The following VCL variants were observed in gnomAD, a reference collection of about 807,000 sequenced individuals.
The protein encoded by VCL is epididymis luminal protein 114.
In VCL, 47 loss-of-function variants were observed where a neutral mutation model predicts 125.7. The ratio of observed to expected loss-of-function variants is 0.37; its 90% CI spans 0.30 to 0.48. The LOEUF is 0.48. VCL is among the 20% of genes least tolerant of loss of function. VCL has a pLI of 0.99. For synonymous variants in VCL, 458 were observed against 514.6 expected (o/e 0.89, Z 1.49); for missense variants, 1,069 against 1,455.5 (o/e 0.73, Z 4.32).
intron 1 of VCL, among the ~76,000 whole-genome samples, chr10:74,013,513 A>G (rs1840475357): frequency 6.6e-6 from 1 of 152,088 alleles, no homozygotes; most frequent in Admixed American, 6.6e-5. Context: ...AGCAAATACC[A>G]AAGTCACACT....
intron 2 of VCL, among the ~76,000 whole-genome samples, chr10:74,063,035 AC>A (rs1841504635): frequency 6.6e-6 from 1 of 152,026 alleles, no homozygotes; most frequent in African/African-American, 2.4e-5. Flanking sequence ...GCACCACTGC[AC>A]TCCAGCCTGG....
chr10:74,052,500 G>A (rs932306935), intron 2 of VCL, among the ~76,000 whole-genome samples: 1 of 147,480 alleles, frequency 6.8e-6, no homozygotes, highest in Non-Finnish European at 1.5e-5. Flanking sequence ...CCTCAGCCCC[G>A]CAAGTAGCTG....
In VCL at chr10:74,006,441, C is replaced by G. The variant is rs116033445; in HGVS notation, c.168+8066C>G. On this transcript the variant is annotated intron_variant, in intron 1 of 21. Transcript: ENST00000211998. ...GCAACAGTAGCTTAGATTGGGTCCTCCTGTTACAGTCCTGGAGTAAGGACA... is the reference window on the plus strand; with the variant it reads ...GCAACAGTAGCTTAGATTGGGTCCTGCTGTTACAGTCCTGGAGTAAGGACA... Among the ~76,000 whole-genome samples the G allele has an allele frequency of 3.3e-3, 496 of 152,292 alleles. 2 individuals carry two copies. The highest frequency in any genetic ancestry group is 0.011 in the African/African-American group (471 of 41,564).
rs1163875423 is a variant in VCL, at chr10:74,074,916, A to G, written c.783+13A>G. The G allele has an allele frequency of 6.2e-6, 10 of 1,614,144 alleles. No individual in the cohort carries two copies. The highest frequency in any genetic ancestry group is 1.7e-5 in the Admixed American group (1 of 60,020). On this transcript the variant is annotated intron_variant, in intron 6 of 21. Coordinates refer to ENST00000211998, the MANE Select transcript of VCL (RefSeq NM_014000.3). ...CTGGGCCAGCAAGGTACGTGTTCTTAGTGGAGAAATAAGCAAAATCCCCAA... is the reference window on the plus strand; with the variant it reads ...CTGGGCCAGCAAGGTACGTGTTCTTGGTGGAGAAATAAGCAAAATCCCCAA...
In VCL at chr10:74,118,747, A is replaced by G. The variant is rs1195020725; in HGVS notation, c.*578A>G. On this transcript the variant is annotated 3_prime_UTR_variant, in exon 22 of 22. Coordinates refer to ENST00000211998, the MANE Select transcript of VCL (RefSeq NM_014000.3). ...AAGGTGGCCTCTGTGGAGCCCCAGC[A>G]TATGGGGGCCTGGATTCATTTCCTG... The G allele has an allele frequency of 1.8e-5, 3 of 168,924 alleles. No individual in the cohort carries two copies. Among genetic ancestry groups the G allele is most frequent in the Non-Finnish European group, 3.9e-5 (3 of 76,662 alleles). 10.5% of individuals were successfully genotyped at this position (168,924 alleles called of 1,614,324 possible). A position where few individuals can be genotyped will look rare whatever the true frequency, so the allele number is the denominator to read the frequency against.
intron 1 of VCL, among the ~76,000 whole-genome samples, chr10:74,020,651 G>A (rs181260506): frequency 1.5e-3 from 228 of 152,050 alleles, no homozygotes; most frequent in Middle Eastern, 0.01. Context: ...GAGCAGCCTG[G>A]GCAACATGGC....
intron 10 of VCL, among the ~76,000 whole-genome samples, chr10:74,092,993 T>C (rs1387906533): frequency 6.6e-6 from 1 of 152,088 alleles, no homozygotes; most frequent in East Asian, 1.9e-4. Flanking sequence ...TGATACCAAA[T>C]GTATAGTAGT....
chr10:74,004,628 G>A (rs867980642), intron 1 of VCL, among the ~76,000 whole-genome samples: 5 of 152,134 alleles, frequency 3.3e-5, no homozygotes, highest in African/African-American at 9.7e-5. Flanking sequence ...TAGCCTGCAT[G>A]AATGGCCTAT....
intron 1 of VCL, 139 bp downstream of exon 1, chr10:73,998,514 T>C (rs1328559089): frequency 1.2e-6 from 1 of 854,234 alleles, no homozygotes; most frequent in African/African-American, 1.8e-5. Flanking sequence ...AGGGTTCGAA[T>C]GGCCTCTTCT....
Position 74,097,295 on chromosome 10 carries a change from C to A in VCL, c.1835C>A (p.Ala612Glu). Residue 612 changes from alanine (A) to glutamate (E), a missense_variant, in exon 13 of 22, where the codon GCA becomes GAA. Around this residue, in one of 6 missense-constraint regions of VCL, gnomAD observed 760 missense variants for 928.9 expected, o/e 0.82. Transcript: ENST00000211998. The surrounding 1 kb of genome is among the most constrained non-coding windows in gnomAD (Gnocchi z 4.1). ...ACTCCCATCAAGCTGTTGGCAGTGG[C>A]AGCCACGGCGCCTCCTGATGCGCCT... ...TTTPIKLLAV[A>E]ATAPPDAPNR... 2 of 1,613,990 alleles carry A rather than the reference C, an allele frequency of 1.2e-6. No individual in the cohort carries two copies. The highest frequency in any genetic ancestry group is 1.7e-6 in the Non-Finnish European group (2 of 1,179,966).
chr10:74,023,537 A>C (rs530048047), intron 1 of VCL, among the ~76,000 whole-genome samples: 1 of 152,214 alleles, frequency 6.6e-6, no homozygotes, highest in Non-Finnish European at 1.5e-5. Context: ...AATTCTCTCA[A>C]TTCTGACTAA....
chr10:74,112,157 G>A (rs374929631), intron 19 of VCL, 45 bp downstream of exon 19: 3 of 1,609,502 alleles, frequency 1.9e-6, no homozygotes, highest in East Asian at 2.2e-5. Context: ...ATATGCATCC[G>A]GCCATGTGCA....
At chr10:74,067,022 C>G (rs977439016) in intron 2 of VCL, among the ~76,000 whole-genome samples, 6 of 152,116 alleles carry the variant, frequency 3.9e-5, no homozygotes, top group African/African-American at 1.4e-4. Flanking sequence ...AAAATTTATA[C>G]AATCTTTTAC....
rs1338790208 is a variant in VCL, at chr10:74,097,484, CT to C, written c.1872+156del. 8.1e-6 allele frequency: 9 copies of C among 1,109,602 alleles called. No homozygotes were observed. Among genetic ancestry groups the C allele is most frequent in the Non-Finnish European group, 1.1e-5 (8 of 754,900 alleles). The allele number at this position is 1,109,602 out of a possible 1,614,324, so 68.7% of individuals were successfully genotyped here. On this transcript the variant is annotated intron_variant, in intron 13 of 21. Transcript: ENST00000211998. This position sits in a 1 kb window ranked among gnomAD's most constrained non-coding sequence, Gnocchi z 4.1. Reference sequence around the variant, plus strand: ...AACAGGGAAAGCCCTACCACCTCTACTTTTAGTCTCCACGTATATCAGTGAG... The same window carrying C: ...AACAGGGAAAGCCCTACCACCTCTACTTTAGTCTCCACGTATATCAGTGAG...
At chr10:74,089,805 GA>G (rs1452834454) in intron 9 of VCL, among the ~76,000 whole-genome samples, 3 of 152,298 alleles carry the variant, frequency 2.0e-5, no homozygotes, top group African/African-American at 7.2e-5. Flanking sequence ...TAAAGCTTGG[GA>G]AAATATTTTA....
At chr10:74,016,398 T>G (rs533938569) in intron 1 of VCL, among the ~76,000 whole-genome samples, 1 of 151,740 alleles carries the variant, frequency 6.6e-6, no homozygotes, top group Non-Finnish European at 1.5e-5. Context: ...ATTGCTTGAG[T>G]GTAGAAGTCC....
intron 14 of VCL, among the ~76,000 whole-genome samples, chr10:74,101,717 G>A (rs11000872): frequency 0.052 from 7,829 of 151,240 alleles, 689 homozygotes; most frequent in African/African-American, 0.18. Context: ...CACCGCGCCC[G>A]GCTAATTTTT....
At chr10:74,072,148 G>C (rs767768407) in intron 4 of VCL, among the ~76,000 whole-genome samples, 1 of 152,156 alleles carries the variant, frequency 6.6e-6, no homozygotes, top group Non-Finnish European at 1.5e-5. Flanking sequence ...AGTGCTAGCA[G>C]AGTGATTCCA....
chr10:74,115,453 A>G (rs1458881873), intron 21 of VCL, among the ~76,000 whole-genome samples: 1 of 152,224 alleles, frequency 6.6e-6, no homozygotes, highest in Non-Finnish European at 1.5e-5. Flanking sequence ...GCTCTTGGGC[A>G]ACTTTTGTCA....
Sources: gnomAD v4.1 joint callset for allele counts (sites outside exome capture counted in the v4.1 genomes callset) on GRCh38, gnomAD v4.1.1 for gene constraint, gnomAD v4.1.1 regional missense constraint, Gnocchi (gnomAD v3.1) non-coding constraint, MANE v1.5 for transcripts, NCBI Gene and HGNC (gene_info 2026-07-23, HGNC 2026-07-21) for gene names.